The following SDK1 variants were observed in gnomAD, a reference collection of about 807,000 sequenced individuals.
SDK1 encodes the protein protein sidekick-1.
In SDK1, 157 loss-of-function variants were observed where a neutral mutation model predicts 245.5. The observed-to-expected ratio is 0.64, with a 90% CI of 0.56 to 0.73. SDK1 has a LOEUF of 0.73. SDK1 is among the 30% of genes least tolerant of loss of function. The pLI is 0.00. For missense variants in SDK1, 3,583 were observed against 3,002.3 expected, an observed-to-expected ratio of 1.19 and a Z score of -4.52; for synonymous variants, 1,647 against 1,278.5, an observed-to-expected ratio of 1.29 and a Z score of -6.15.
chr7:3,736,417 C>G (rs1385071543), intron 4 of SDK1, among the ~76,000 whole-genome samples: 6 of 152,102 alleles, frequency 3.9e-5, no homozygotes, highest in Non-Finnish European at 5.9e-5. Context: ...CTCAGCCTCC[C>G]AAGTAGCTGC....
In SDK1 at chr7:3,639,094, A is replaced by G; in HGVS notation, c.549A>G (p.Ser183=). Residue 183 remains serine (S), a synonymous_variant, in exon 3 of 45, where the codon TCA becomes TCG. Coordinates refer to ENST00000404826, the MANE Select transcript of SDK1 (RefSeq NM_152744.4). ...NRMGALLQRK[S]EVQVAYMGSF... ...TGGGAGCACTCCTGCAAAGAAAATCAGAAGTTCAAGTCGCATGTATGTGTA... is the reference window on the plus strand; with the variant it reads ...TGGGAGCACTCCTGCAAAGAAAATCGGAAGTTCAAGTCGCATGTATGTGTA... 2 of 1,598,252 alleles carry G rather than the reference A, an allele frequency of 1.3e-6. No individual in the cohort carries two copies. Among genetic ancestry groups the G allele is most frequent in the Non-Finnish European group, 1.7e-6 (2 of 1,168,064 alleles).
At position 3,948,509 on chromosome 7, in the gene SDK1, G is replaced by A. The variant is rs191193089; in HGVS notation, c.848-2414G>A. The stretch of plus-strand genomic sequence containing the variant: ...GATCTCCTGACCTCGTGATCCACCC[G>A]TCTCGGCCTCCCAAAGTGCTGGGAT... On this transcript the variant is annotated intron_variant, in intron 5 of 44. Transcript: ENST00000404826. Among the ~76,000 whole-genome samples the A allele has an allele frequency of 3.7e-3, 557 of 152,214 alleles. 2 individuals are homozygous for A. The highest frequency in any genetic ancestry group is 0.012 in the African/African-American group (516 of 41,528).
intron 1 of SDK1, among the ~76,000 whole-genome samples, chr7:3,490,714 G>T (rs1288428410): frequency 6.6e-6 from 1 of 152,170 alleles, no homozygotes; most frequent in East Asian, 1.9e-4. Context: ...CTTAAATGAG[G>T]CCAGGCAGAC....
At chr7:4,008,098 T>G (rs982042348) in intron 14 of SDK1, among the ~76,000 whole-genome samples, 3 of 152,216 alleles carry the variant, frequency 2.0e-5, no homozygotes, top group African/African-American at 7.2e-5. Flanking sequence ...ACTTTCTGTC[T>G]CTGTGAATTT....
chr7:3,581,338 A>C (rs1780481077), intron 1 of SDK1, among the ~76,000 whole-genome samples: 1 of 152,220 alleles, frequency 6.6e-6, no homozygotes, highest in South Asian at 2.1e-4. Flanking sequence ...TAGTGGGCAA[A>C]GGACATGAAC....
rs1398053453 is a variant in SDK1, at chr7:3,570,286, A to C, written c.299-48794A>C. On this transcript the variant is annotated intron_variant, in intron 1 of 44. Coordinates refer to ENST00000404826, the MANE Select transcript of SDK1 (RefSeq NM_152744.4). ...ATCATCAGGCATTAGTTAGATTCTCATAAGGAGTGTGCACCCTAGATCCCT... is the reference window on the plus strand; with the variant it reads ...ATCATCAGGCATTAGTTAGATTCTCCTAAGGAGTGTGCACCCTAGATCCCT... Among the ~76,000 whole-genome samples the C allele has an allele frequency of 2.0e-5, 3 of 152,246 alleles. No individual in the cohort carries two copies. The East Asian group carries it at 5.8e-4, about 29-fold the overall frequency.
In SDK1 at chr7:4,265,182, T is replaced by G; in HGVS notation, c.6440T>G (p.Met2147Arg). The part of the protein sequence containing the change: ...LPKHSFVNHY[M>R]SDPTYYNSWK... Reference sequence around the variant, plus strand: ...AAGCACTCCTTCGTGAACCACTACATGAGCGACCCCACCTACTACAACTCA... The same window carrying G: ...AAGCACTCCTTCGTGAACCACTACAGGAGCGACCCCACCTACTACAACTCA... The change falls in exon 45 of 45, where the codon ATG becomes AGG. Residue 2147 changes from methionine to arginine, a missense_variant. Physicochemically the swap from Met to Arg is moderately conservative, Grantham distance 91. Coordinates refer to ENST00000404826, the MANE Select transcript of SDK1 (RefSeq NM_152744.4). 1 of 1,612,442 alleles carries G rather than the reference T, an allele frequency of 6.2e-7. No individual in the cohort carries two copies.
At chr7:3,816,784 A>G (rs926354639) in intron 4 of SDK1, among the ~76,000 whole-genome samples, 22 of 152,146 alleles carry the variant, frequency 1.4e-4, no homozygotes, top group Non-Finnish European at 2.6e-4. Context: ...GATCCAGATT[A>G]TACTCAGAAC....
At position 4,248,325 on chromosome 7, in the gene SDK1, T is replaced by C. The variant is rs554948894; in HGVS notation, c.6381+2520T>C. Among the ~76,000 whole-genome samples, 2 of 148,192 alleles carry C rather than the reference T, an allele frequency of 1.3e-5. 1 individual carries two copies. Among genetic ancestry groups the C allele is most frequent in the South Asian group, 4.3e-4 (2 of 4,686 alleles). ...ATACATACACACATGCACACACATA[T>C]ACATATACACCTGAATACATGCACA... On this transcript the variant is annotated intron_variant, in intron 44 of 44. Coordinates refer to ENST00000404826, the MANE Select transcript of SDK1 (RefSeq NM_152744.4).
chr7:3,813,458 T>C (rs986930172), intron 4 of SDK1, among the ~76,000 whole-genome samples: 5 of 138,346 alleles, frequency 3.6e-5, no homozygotes, highest in African/African-American at 1.4e-4. Context: ...TTTTTATGGC[T>C]GCATAGTATT....
At chr7:3,911,495 G>T (rs1779160893) in intron 5 of SDK1, among the ~76,000 whole-genome samples, 2 of 152,088 alleles carry the variant, frequency 1.3e-5, no homozygotes, top group African/African-American at 4.8e-5. Context: ...AGGGCAGACG[G>T]GCTTCCTCAG....
intron 4 of SDK1, among the ~76,000 whole-genome samples, chr7:3,805,194 C>T (rs12701170): frequency 7.9e-5 from 12 of 152,114 alleles, no homozygotes; most frequent in African/African-American, 2.9e-4. Flanking sequence ...CTAAAAAATA[C>T]AGTTGTTTTT....
At chr7:3,575,543 C>G (rs561101414) in intron 1 of SDK1, among the ~76,000 whole-genome samples, 2 of 152,018 alleles carry the variant, frequency 1.3e-5, no homozygotes, top group East Asian at 3.9e-4. Context: ...GGGGGACACC[C>G]ACATTGGCTG....
At chr7:3,995,040 A>G (rs1252621370) in intron 14 of SDK1, among the ~76,000 whole-genome samples, 1 of 152,162 alleles carries the variant, frequency 6.6e-6, no homozygotes, top group African/African-American at 2.4e-5. Flanking sequence ...CTTCTTCCGT[A>G]TAGAGGTTCT....
intron 1 of SDK1, among the ~76,000 whole-genome samples, chr7:3,545,857 C>T (rs1583149573): frequency 6.6e-6 from 1 of 152,180 alleles, no homozygotes; most frequent in South Asian, 2.1e-4. Context: ...AAACTCATAC[C>T]TAAAATATAA....
At chr7:4,073,542 T>C (rs936140264) in intron 20 of SDK1, among the ~76,000 whole-genome samples, 2 of 152,226 alleles carry the variant, frequency 1.3e-5, no homozygotes, top group African/African-American at 2.4e-5. Flanking sequence ...TTTCAGTAAA[T>C]TCTGATGAAA....
At chr7:3,569,726 AT>A (rs1175345982) in intron 1 of SDK1, among the ~76,000 whole-genome samples, 2 of 152,076 alleles carry the variant, frequency 1.3e-5, no homozygotes, top group East Asian at 1.9e-4. Context: ...ATTGGTATGG[AT>A]TTTTTTTAAG....
At position 3,578,266 on chromosome 7, in the gene SDK1, AAGGATTTTATTAAGGATT is replaced by A. The variant is rs1161425943; in HGVS notation, c.299-40812_299-40795del. ...AGCAAGTTTTATTAAGGATTTCATT[AAGGATTTTATTAAGGATT>A]AAGGGGAGGGGGTGCAAGAACAGGG... is the stretch of plus-strand genomic sequence containing the variant. On this transcript the variant is annotated intron_variant, in intron 1 of 44. Transcript: ENST00000404826. 2.9e-3 allele frequency among the ~76,000 whole-genome samples: 434 copies of A among 151,340 alleles called. 9 individuals are homozygous for A. The highest frequency in any genetic ancestry group is 0.018 in the South Asian group (88 of 4,822).
intron 2 of SDK1, among the ~76,000 whole-genome samples, chr7:3,635,790 T>A (rs1049966783): frequency 6.6e-6 from 1 of 152,132 alleles, no homozygotes; most frequent in African/African-American, 2.4e-5. Flanking sequence ...CACTGCAACC[T>A]CCACCTCCCG....
Sources: allele counts gnomAD v4.1 joint callset (sites outside exome capture counted in the v4.1 genomes callset), GRCh38; gene constraint gnomAD v4.1.1; transcripts MANE v1.5; gene names NCBI Gene and HGNC (gene_info 2026-07-23, HGNC 2026-07-21).